ARL5A: variants seen among roughly 807,000 people sequenced by gnomAD.
ARL5A encodes the protein ADP-ribosylation factor-like protein 5A.
In ARL5A, 18 loss-of-function variants were observed where a neutral mutation model predicts 25.9. The ratio of observed to expected loss-of-function variants is 0.69; its 90% CI spans 0.48 to 1.03. The LOEUF (loss-of-function observed/expected upper bound fraction) is 1.03, where lower values mean the gene tolerates loss of function less well. ARL5A is among the 50% of genes least tolerant of loss of function. The pLI is 0.00. For missense variants in ARL5A, 170 were observed against 211.9 expected (o/e 0.80, Z 1.23); for synonymous variants, 61 against 67.5 (o/e 0.90, Z 0.47).
At chr2:151,827,266 T>C (rs970398442) in intron 1 of ARL5A, among the ~76,000 whole-genome samples, 1 of 152,248 alleles carries the variant, frequency 6.6e-6, no homozygotes, top group Non-Finnish European at 1.5e-5. Context: ...GTTTTAGTCA[T>C]TTTGTAACAA....
chr2:151,822,293 G>A (rs1247069069), intron 1 of ARL5A, among the ~76,000 whole-genome samples: 1 of 152,266 alleles, frequency 6.6e-6, no homozygotes, highest in South Asian at 2.1e-4. Context: ...TTACAGGCAT[G>A]AGCCACTGCG....
chr2:151,815,100 A>T, intron 2 of ARL5A, 39 bp downstream of exon 2: 1 of 1,482,036 alleles, frequency 6.7e-7, no homozygotes, highest in Non-Finnish European at 9.2e-7. Context: ...CAAAAAAGTA[A>T]CTAGAAATAA....
At chr2:151,806,543 A>G (rs1287267137) in intron 5 of ARL5A, among the ~76,000 whole-genome samples, 1 of 152,164 alleles carries the variant, frequency 6.6e-6, no homozygotes, top group Non-Finnish European at 1.5e-5. Flanking sequence ...TAACTTCTCC[A>G]GCTCTCACTG....
chr2:151,816,435 G>A (rs933526531), intron 1 of ARL5A, among the ~76,000 whole-genome samples: 10 of 152,096 alleles, frequency 6.6e-5, no homozygotes, highest in South Asian at 2.1e-4. Flanking sequence ...TAGTCGACGC[G>A]TAAGAAACAT....
rs530671554 is a variant in ARL5A at position 151,822,902 on chromosome 2, A to G, written c.46+5229T>C. On this transcript the variant is annotated intron_variant, in intron 1 of 5. Transcript: ENST00000295087. ...CTTTTCCTTCATTTCCTTTTGACACAGGCAGTCTACCAGTTCCATTCATTG... is the reference window on the plus strand; with the variant it reads ...CTTTTCCTTCATTTCCTTTTGACACGGGCAGTCTACCAGTTCCATTCATTG... Among the ~76,000 whole-genome samples, 11 of 152,306 alleles carry G rather than the reference A, an allele frequency of 7.2e-5. No homozygotes were observed. In the East Asian group the frequency reaches 1.5e-3, roughly 21 times the overall value.
chr2:151,807,038 G>C lies in ARL5A; in HGVS notation c.340-66C>G, dbSNP rs1417643893. On this transcript the variant is annotated intron_variant, in intron 4 of 5. Transcript: ENST00000295087. ...CACATATTTTTCAACTTCATTAACA[G>C]AATCTTTTTCACAATCTTAGTAAAC... 10 of 1,418,424 alleles carry C rather than the reference G, an allele frequency of 7.1e-6. No individual in the cohort carries two copies. The East Asian group carries it at 2.4e-4, about 34-fold the overall frequency. 87.9% of individuals were successfully genotyped at this position (1,418,424 alleles called of 1,614,324 possible). A position where few individuals can be genotyped will look rare whatever the true frequency, so the allele number is the denominator to read the frequency against.
intron 4 of ARL5A, among the ~76,000 whole-genome samples, chr2:151,807,279 C>T (rs2099830214): frequency 6.6e-6 from 1 of 152,130 alleles, no homozygotes; most frequent in Non-Finnish European, 1.5e-5. Context: ...ACCTTTTAGC[C>T]TAATACTTGA....
chr2:151,826,391 G>C (rs1257375534), intron 1 of ARL5A, among the ~76,000 whole-genome samples: 1 of 152,140 alleles, frequency 6.6e-6, no homozygotes, highest in Non-Finnish European at 1.5e-5. Context: ...AATTTGTAGT[G>C]ATACCAGAGC....
Position 151,800,904 on chromosome 2 carries a change from A to C in ARL5A, c.*2372T>G, listed in dbSNP as rs2099829332. 6.6e-6 allele frequency: 1 copy of C among 152,620 alleles called. No individual in the cohort carries two copies. Among genetic ancestry groups the C allele is most frequent in the Non-Finnish European group, 1.5e-5 (1 of 68,028 alleles). The allele number at this position is 152,620 out of a possible 1,614,324, so 9.5% of individuals were successfully genotyped here. On this transcript the variant is annotated 3_prime_UTR_variant, in exon 6 of 6. Transcript: ENST00000295087. Reference sequence around the variant, plus strand: ...ATGACTCCACGAGATGTTTTCACTCAGAAGTGGCATATTAAAAACCCAAAA... The same window carrying C: ...ATGACTCCACGAGATGTTTTCACTCCGAAGTGGCATATTAAAAACCCAAAA...
intron 1 of ARL5A, among the ~76,000 whole-genome samples, chr2:151,826,265 A>G (rs1479087903): frequency 1.3e-5 from 2 of 152,238 alleles, no homozygotes; most frequent in Non-Finnish European, 2.9e-5. Flanking sequence ...CAATATTCAT[A>G]TCTAATTTTC....
At chr2:151,828,065 C>T (rs1433947720) in intron 1 of ARL5A, 66 bp downstream of exon 1, 12 of 1,545,554 alleles carry the variant, frequency 7.8e-6, no homozygotes, top group Non-Finnish European at 5.3e-6. Context: ...TATTCGGAGA[C>T]CCCCACCTAG....
chr2:151,817,851 C>G (rs1189832243), intron 1 of ARL5A, among the ~76,000 whole-genome samples: 2 of 152,098 alleles, frequency 1.3e-5, no homozygotes, highest in East Asian at 3.8e-4. Flanking sequence ...ACTAAAAATA[C>G]AAAATTAGCT....
At chr2:151,812,272 A>T in intron 4 of ARL5A, 85 bp downstream of exon 4, 1 of 921,392 alleles carries the variant, frequency 1.1e-6, no homozygotes, top group South Asian at 1.8e-5. Context: ...TTTGAAATTG[A>T]TAGCACCCTC....
chr2:151,812,302 A>G (rs1279685810), intron 4 of ARL5A, 55 bp downstream of exon 4: 16 of 1,254,932 alleles, frequency 1.3e-5, no homozygotes, highest in Non-Finnish European at 1.8e-5. Flanking sequence ...TAGAAAACAA[A>G]GTATCGATTC....
At chr2:151,808,956 G>A (rs943429060) in intron 4 of ARL5A, among the ~76,000 whole-genome samples, 1 of 152,192 alleles carries the variant, frequency 6.6e-6, no homozygotes, top group African/African-American at 2.4e-5. Context: ...GCTGAGGGAT[G>A]AGAATAGCTT....
chr2:151,816,609 C>T (rs769617487), intron 1 of ARL5A, among the ~76,000 whole-genome samples: 60 of 152,068 alleles, frequency 3.9e-4, no homozygotes, highest in Non-Finnish European at 6.8e-4. Flanking sequence ...GGGGAAATAC[C>T]ACCTATCACT....
chr2:151,821,833 G>A (rs2099832376), intron 1 of ARL5A, among the ~76,000 whole-genome samples: 1 of 126,446 alleles, frequency 7.9e-6, no homozygotes, highest in East Asian at 2.3e-4. Context: ...CGTATGCCCA[G>A]CTAATTTTTT....
intron 1 of ARL5A, among the ~76,000 whole-genome samples, chr2:151,827,112 A>C (rs1167622806): frequency 3.3e-5 from 5 of 152,248 alleles, no homozygotes; most frequent in Non-Finnish European, 7.3e-5. Flanking sequence ...TGACACCATC[A>C]GCTTACACAA....
In ARL5A at chr2:151,812,430, A is replaced by G. The variant is rs756366503; in HGVS notation, c.266T>C (p.Val89Ala). 2 of 1,572,122 alleles carry G rather than the reference A, an allele frequency of 1.3e-6. No homozygotes were observed. The highest frequency in any genetic ancestry group is 1.7e-6 in the Non-Finnish European group (2 of 1,162,918). Residue 89 changes from valine to alanine, a missense_variant, in exon 4 of 6, where the codon GTT (valine) becomes GCT (alanine). Physicochemically the swap from Val to Ala is moderately conservative, Grantham distance 64 (BLOSUM62 0). Coordinates refer to ENST00000295087, the MANE Select transcript of ARL5A (RefSeq NM_012097.4). The stretch of plus-strand genomic sequence containing the variant: ...CTCTCTGTCTGTACTGTCCACAACA[A>G]CTATTACAAACTAAAATAATTACAA... ...TYYTNTEFVI[V>A]VVDSTDRERI...
Sources: gnomAD v4.1 joint callset for allele counts (sites outside exome capture counted in the v4.1 genomes callset) on GRCh38, gnomAD v4.1.1 for gene constraint, MANE v1.5 for transcripts, NCBI Gene and HGNC (gene_info 2026-07-23, HGNC 2026-07-21) for gene names.